The following PPM1A variants were observed in gnomAD, a reference collection of about 807,000 sequenced individuals.
PPM1A encodes protein phosphatase 1A.
Under a neutral mutation model 35.0 loss-of-function variants are expected in PPM1A, and 7 were observed. That is an observed-to-expected ratio of 0.20 (90% CI 0.11 to 0.38). The LOEUF is 0.38. Among genes scored for constraint, PPM1A ranks in the 10% least tolerant of loss-of-function variants. The pLI, the probability that PPM1A is intolerant of heterozygous loss-of-function variation, is 1.00. For missense variants in PPM1A, 239 were observed against 467.8 expected, an observed-to-expected ratio of 0.51 and a Z score of 4.51; for synonymous variants, 153 against 167.3, an observed-to-expected ratio of 0.91 and a Z score of 0.66.
At chr14:60,290,159 CAT>C (rs1317945176) in intron 4 of PPM1A, among the ~76,000 whole-genome samples, 1 of 152,088 alleles carries the variant, frequency 6.6e-6, no homozygotes, top group Non-Finnish European at 1.5e-5. Flanking sequence ...TTGATTTCCT[CAT>C]AGAGCATAAA....
Position 60,249,221 on chromosome 14 carries a change from A to G in PPM1A, c.-477A>G. On this transcript the variant is annotated 5_prime_UTR_variant, in exon 1 of 6. Coordinates refer to ENST00000395076, the MANE Select transcript of PPM1A (RefSeq NM_021003.5). The surrounding 1 kb of genome is among the most constrained non-coding windows in gnomAD (Gnocchi z 4.5). ...GAGCGCGCCTGCGCGGGGCCGCGCT[A>G]GAGGCGGCGGCGGCGGCGGTGGCGG... The G allele has an allele frequency of 1.0e-6, 1 of 982,352 alleles. No homozygotes were observed. Among genetic ancestry groups the G allele is most frequent in the East Asian group, 1.1e-4 (1 of 8,826 alleles). The allele number at this position is 982,352 out of a possible 1,614,324, so 60.9% of individuals were successfully genotyped here.
intron 1 of PPM1A, among the ~76,000 whole-genome samples, chr14:60,279,958 A>G (rs897747815): frequency 6.6e-6 from 1 of 152,156 alleles, no homozygotes; most frequent in East Asian, 1.9e-4. Flanking sequence ...TGTATACATT[A>G]TTTTATTTAA....
At position 60,252,806 on chromosome 14, in the gene PPM1A, G is replaced by A. The variant is rs376855338; in HGVS notation, c.-21+3129G>A. ...AAATGTCTTATGTTCTCCATATTAC[G>A]TAACAATTTTATACTTCATTCTGAG... On this transcript the variant is annotated intron_variant, in intron 1 of 5. Coordinates refer to ENST00000395076, the MANE Select transcript of PPM1A (RefSeq NM_021003.5). Among the ~76,000 whole-genome samples, 100 of 152,132 alleles carry A rather than the reference G, an allele frequency of 6.6e-4. 1 individual carries two copies. Among genetic ancestry groups the A allele is most frequent in the South Asian group, 2.1e-3 (10 of 4,818 alleles).
intron 3 of PPM1A, chr14:60,288,277 A>G: frequency 2.1e-6 from 2 of 961,964 alleles, no homozygotes; most frequent in Non-Finnish European, 2.5e-6. Flanking sequence ...GATACATCAA[A>G]TATAGATGAT....
chr14:60,275,104 G>C (rs1434656707), intron 1 of PPM1A, among the ~76,000 whole-genome samples: 3 of 145,118 alleles, frequency 2.1e-5, no homozygotes, highest in Non-Finnish European at 4.5e-5. Context: ...ATCTTTGGCA[G>C]TTTTAGAGAT....
At chr14:60,260,977 A>G (rs974259270) in intron 1 of PPM1A, among the ~76,000 whole-genome samples, 2 of 152,204 alleles carry the variant, frequency 1.3e-5, no homozygotes, top group Admixed American at 6.5e-5. Flanking sequence ...AAGAATGTGT[A>G]CCATTAGCCC....
At position 60,252,801 on chromosome 14, in the gene PPM1A, A is replaced by G. The variant is rs1453527769; in HGVS notation, c.-21+3124A>G. On this transcript the variant is annotated intron_variant, in intron 1 of 5. Transcript: ENST00000395076. ...CTTTCAAATGTCTTATGTTCTCCAT[A>G]TTACGTAACAATTTTATACTTCATT... Among the ~76,000 whole-genome samples the G allele has an allele frequency of 4.6e-5, 7 of 152,168 alleles. No homozygotes were observed. In the East Asian group the frequency reaches 1.3e-3, roughly 29 times the overall value.
intron 1 of PPM1A, among the ~76,000 whole-genome samples, chr14:60,255,085 C>G (rs372803366): frequency 6.6e-6 from 1 of 151,648 alleles, no homozygotes; most frequent in Non-Finnish European, 1.5e-5. Context: ...ACAAAGTCAT[C>G]TCTGACCCCC....
intron 1 of PPM1A, among the ~76,000 whole-genome samples, chr14:60,280,437 A>G (rs1595350247): frequency 6.6e-6 from 1 of 152,254 alleles, no homozygotes; most frequent in Non-Finnish European, 1.5e-5. Flanking sequence ...TTTCTTTAGT[A>G]CTTCATGCTA....
rs1887812712 is a variant in PPM1A at position 60,293,320 on chromosome 14, A to G, written c.*838A>G. The G allele has an allele frequency of 6.6e-6, 1 of 151,992 alleles. No homozygotes were observed. The highest frequency in any genetic ancestry group is 2.4e-5 in the African/African-American group (1 of 41,404). 9.4% of individuals were successfully genotyped at this position (151,992 alleles called of 1,614,324 possible). A position where few individuals can be genotyped will look rare whatever the true frequency, so the allele number is the denominator to read the frequency against. Reference sequence around the variant, plus strand: ...TTCCTAGTAAGATATTCTGAATTCCATTTTATCAATAAAGCTTGATTTAAC... The same window carrying G: ...TTCCTAGTAAGATATTCTGAATTCCGTTTTATCAATAAAGCTTGATTTAAC... On this transcript the variant is annotated 3_prime_UTR_variant, in exon 6 of 6. Coordinates refer to ENST00000395076, the MANE Select transcript of PPM1A (RefSeq NM_021003.5). The surrounding 1 kb of genome is among the most constrained non-coding windows in gnomAD (Gnocchi z 4.0).
At chr14:60,264,374 CA>C in intron 1 of PPM1A, among the ~76,000 whole-genome samples, 1 of 151,946 alleles carries the variant, frequency 6.6e-6, no homozygotes, top group Admixed American at 6.5e-5. Flanking sequence ...TTTATTCTGT[CA>C]CCACTACTTA....
At chr14:60,279,651 A>C (rs527757624) in intron 1 of PPM1A, among the ~76,000 whole-genome samples, 6 of 152,180 alleles carry the variant, frequency 3.9e-5, no homozygotes, top group South Asian at 2.1e-4. Context: ...TCCTATCGGC[A>C]CTCTAGGGGA....
intron 1 of PPM1A, chr14:60,267,142 T>C (rs1884479746): frequency 6.6e-6 from 1 of 152,182 alleles, no homozygotes; most frequent in Admixed American, 6.5e-5. Context: ...GATCTCCTTA[T>C]AATTTTATGC....
chr14:60,268,400 T>G, intron 1 of PPM1A: 1 of 968,710 alleles, frequency 1.0e-6, no homozygotes, highest in Non-Finnish European at 1.2e-6. Flanking sequence ...TTGTACAGAG[T>G]GATTTATTTT....
intron 3 of PPM1A, chr14:60,286,514 A>C: frequency 1.0e-6 from 1 of 985,330 alleles, no homozygotes; most frequent in Non-Finnish European, 1.2e-6. Context: ...TGGTGAGCTG[A>C]GGTAGAAAAA....
Position 60,295,503 on chromosome 14 carries a change from A to C in PPM1A, c.*3021A>C, listed in dbSNP as rs1018812668. The C allele has an allele frequency of 3.3e-5, 5 of 151,770 alleles. No individual in the cohort carries two copies. Among genetic ancestry groups the C allele is most frequent in the Non-Finnish European group, 7.4e-5 (5 of 67,730 alleles). The allele number at this position is 151,770 out of a possible 1,614,324, so 9.4% of individuals were successfully genotyped here. On this transcript the variant is annotated 3_prime_UTR_variant, in exon 6 of 6. Transcript: ENST00000395076. ...ATCTCAACATTAAGAAATTTGGATT[A>C]AGTAATAAATTAGTTATGTAATTCA...
chr14:60,262,058 TAA>T (rs1269330521), intron 1 of PPM1A, among the ~76,000 whole-genome samples: 2 of 152,188 alleles, frequency 1.3e-5, no homozygotes, highest in Non-Finnish European at 2.9e-5. Flanking sequence ...GAACAGGTGA[TAA>T]AGATAGGTTA....
At chr14:60,280,132 A>G (rs1282926433) in intron 1 of PPM1A, among the ~76,000 whole-genome samples, 1 of 152,078 alleles carries the variant, frequency 6.6e-6, no homozygotes, top group Non-Finnish European at 1.5e-5. Context: ...CAGCCTCCCA[A>G]GTAGCCGGGA....
chr14:60,285,998 G>A, intron 3 of PPM1A: 1 of 1,106,896 alleles, frequency 9.0e-7, no homozygotes, highest in African/African-American at 1.6e-5. Flanking sequence ...AGGCTAAAAT[G>A]TTTGTGTGCT....
Sources: allele counts gnomAD v4.1 joint callset (sites outside exome capture counted in the v4.1 genomes callset), GRCh38; gene constraint gnomAD v4.1.1; non-coding constraint Gnocchi (gnomAD v3.1); transcripts MANE v1.5; gene names NCBI Gene and HGNC (gene_info 2026-07-23, HGNC 2026-07-21).